The following TLR5 variants were observed in gnomAD, a reference collection of about 807,000 sequenced individuals.
TLR5 encodes toll-like receptor 5.
For synonymous variants in TLR5, 373 were observed against 384.4 expected (o/e 0.97, Z 0.35); for missense variants, 944 against 999.8 (o/e 0.94, Z 0.75).
chr1:223,135,513 G>A lies in TLR5; in HGVS notation c.-352-649C>T, dbSNP rs572970623. Among the ~76,000 whole-genome samples the A allele has an allele frequency of 2.6e-5, 4 of 152,260 alleles. No individual in the cohort carries two copies. The South Asian group carries it at 8.3e-4, about 32-fold the overall frequency. Reference sequence around the variant, plus strand: ...GCTGGGCTGGGAGAGGATAAATATCGGTTCTAGTCCTCCTTCAGCCACAGT... The same window carrying A: ...GCTGGGCTGGGAGAGGATAAATATCAGTTCTAGTCCTCCTTCAGCCACAGT... On this transcript the variant is annotated intron_variant, in intron 3 of 5. Transcript: ENST00000642603.
rs558146291 is a variant in TLR5 at position 223,114,436 on chromosome 1, A to C, written c.-4-1401T>G. Among the ~76,000 whole-genome samples the C allele has an allele frequency of 3.9e-5, 6 of 152,346 alleles. No homozygotes were observed. In the East Asian group the frequency reaches 1.2e-3, roughly 29 times the overall value. Reference sequence around the variant, plus strand: ...GTAAAGGAAGAGTTATATAGCTCAGAGGGCAGGAGAATGAGAGGAAAAATA... The same window carrying C: ...GTAAAGGAAGAGTTATATAGCTCAGCGGGCAGGAGAATGAGAGGAAAAATA... On this transcript the variant is annotated intron_variant, in intron 5 of 5. Transcript: ENST00000642603.
chr1:223,124,591 G>A (rs565596985), intron 5 of TLR5, among the ~76,000 whole-genome samples: 37 of 152,262 alleles, frequency 2.4e-4, no homozygotes, highest in African/African-American at 7.7e-4. Context: ...GTGGACATCC[G>A]AAAGATTGCA....
chr1:223,114,181 C>T (rs563693745), intron 5 of TLR5, among the ~76,000 whole-genome samples: 1 of 152,310 alleles, frequency 6.6e-6, no homozygotes, highest in African/African-American at 2.4e-5. Context: ...TGTCGGGGAG[C>T]TAACCATCTG....
chr1:223,141,844 G>A (rs1657884154), intron 1 of TLR5, 81 bp from the exon 2 acceptor site: 1 of 146,332 alleles, frequency 6.8e-6, no homozygotes, highest in African/African-American at 2.5e-5. Flanking sequence ...GAGAGAGAGA[G>A]AGAGAGAGAG....
At chr1:223,115,094 C>T (rs1235497235) in intron 5 of TLR5, among the ~76,000 whole-genome samples, 1 of 152,174 alleles carries the variant, frequency 6.6e-6, no homozygotes, top group Admixed American at 6.5e-5. Flanking sequence ...TTGTACAGGG[C>T]CCTTCCCTTC....
rs746421170 is a variant in TLR5 at position 223,112,229 on chromosome 1, C to T, written c.803G>A (p.Gly268Glu). 2 of 1,614,016 alleles carry T rather than the reference C, an allele frequency of 1.2e-6. No individual in the cohort carries two copies. The highest frequency in any genetic ancestry group is 1.3e-5 in the African/African-American group (1 of 74,894). ...LILAHHIMGA[G>E]FGFHNIKDPD... is the part of the protein sequence containing the mutation. ...ATCTTTGATGTTATGGAAGCCAAAC[C>T]CGGCACCCATGATGTGGTGGGCAAG... The change falls in exon 6 of 6, where the codon GGG becomes GAG. Residue 268 changes from glycine to glutamate, a missense_variant. Gly to Glu is a moderately conservative substitution (Grantham distance 98, BLOSUM62 -2). Transcript: ENST00000642603.
chr1:223,125,279 G>A (rs1211002709), intron 5 of TLR5, among the ~76,000 whole-genome samples: 2 of 152,136 alleles, frequency 1.3e-5, no homozygotes, highest in Non-Finnish European at 2.9e-5. Flanking sequence ...AAGGATTACA[G>A]TTCAAATTAA....
intron 5 of TLR5, among the ~76,000 whole-genome samples, chr1:223,121,040 G>C (rs1284401419): frequency 6.6e-6 from 1 of 152,198 alleles, no homozygotes; most frequent in East Asian, 1.9e-4. Context: ...CTGTGTTTGT[G>C]CCACTGCACT....
chr1:223,112,621 T>C lies in TLR5; in HGVS notation c.411A>G (p.Lys137=). Residue 137 remains lysine, a synonymous_variant, in exon 6 of 6, where the codon AAA becomes AAG. Coordinates refer to ENST00000642603, the MANE Select transcript of TLR5 (RefSeq NM_003268.6). ...YFCGLSDAVL[K]DGYFRNLKAL... ...CCTTTAAATTTCTGAAATAACCATC[T>C]TTCAATACAGCATCAGAGAGACCAC... The C allele has an allele frequency of 6.2e-7, 1 of 1,614,252 alleles. No individual in the cohort carries two copies. The highest frequency in any genetic ancestry group is 8.5e-7 in the Non-Finnish European group (1 of 1,180,048).
At chr1:223,125,414 G>A (rs1657126545) in intron 5 of TLR5, among the ~76,000 whole-genome samples, 1 of 152,146 alleles carries the variant, frequency 6.6e-6, no homozygotes, top group African/African-American at 2.4e-5. Flanking sequence ...AGAACCTAAC[G>A]AGCTCAGGGA....
intron 5 of TLR5, among the ~76,000 whole-genome samples, chr1:223,130,350 G>A (rs1039763757): frequency 6.6e-6 from 1 of 152,192 alleles, no homozygotes; most frequent in African/African-American, 2.4e-5. Context: ...GTATTGTTTG[G>A]TTCTCTTTGA....
chr1:223,120,769 A>G, intron 5 of TLR5, among the ~76,000 whole-genome samples: 1 of 152,232 alleles, frequency 6.6e-6, no homozygotes, highest in East Asian at 1.9e-4. Flanking sequence ...TCATTTCAAA[A>G]TGTCAAGTGT....
At chr1:223,138,398 C>G (rs1213953101) in intron 2 of TLR5, among the ~76,000 whole-genome samples, 1 of 152,028 alleles carries the variant, frequency 6.6e-6, no homozygotes, top group Non-Finnish European at 1.5e-5. Context: ...TTCTATCATT[C>G]TATTTTCCAA....
rs1412576489 is a variant in TLR5 at position 223,111,419 on chromosome 1, A to G, written c.1613T>C (p.Leu538Pro). The G allele has an allele frequency of 6.2e-7, 1 of 1,614,212 alleles. No individual in the cohort carries two copies. Among genetic ancestry groups the G allele is most frequent in the South Asian group, 1.1e-5 (1 of 91,090 alleles). The change falls in exon 6 of 6, where the codon CTG becomes CCG. Residue 538 changes from leucine (L) to proline (P), a missense_variant. Coordinates refer to ENST00000642603, the MANE Select transcript of TLR5 (RefSeq NM_003268.6). ...LRGLSLNSNR[L>P]TVLSHNDLPA... Reference sequence around the variant, plus strand: ...TAAATCATTGTGAGAAAGAACTGTCAGCCTGTTGGAGTTGAGGCTTAGTCC... The same window carrying G: ...TAAATCATTGTGAGAAAGAACTGTCGGCCTGTTGGAGTTGAGGCTTAGTCC...
intron 5 of TLR5, among the ~76,000 whole-genome samples, chr1:223,119,930 A>G (rs555796490): frequency 2.8e-4 from 40 of 145,216 alleles, no homozygotes; most frequent in African/African-American, 1.0e-3. Context: ...AGCCTTGGCA[A>G]CAGAGTGAGA....
intron 5 of TLR5, among the ~76,000 whole-genome samples, chr1:223,114,521 A>G (rs1656528349): frequency 6.6e-6 from 1 of 152,244 alleles, no homozygotes; most frequent in East Asian, 1.9e-4. Flanking sequence ...ATGAGACACC[A>G]TCACTGGCAA....
At position 223,122,210 on chromosome 1, in the gene TLR5, C is replaced by CA. The variant is rs539492770; in HGVS notation, c.-4-9176dup. Reference sequence around the variant, plus strand: ...GACACCCCACAGTGTTCAATAATATCAAATATGCATCATGATGATAAACCA... The same window carrying CA: ...GACACCCCACAGTGTTCAATAATATCAAAATATGCATCATGATGATAAACCA... On this transcript the variant is annotated intron_variant, in intron 5 of 5. Transcript: ENST00000642603. 3.7e-3 allele frequency among the ~76,000 whole-genome samples: 568 copies of CA among 152,226 alleles called. 2 individuals are homozygous for CA. The highest frequency in any genetic ancestry group is 6.1e-3 in the Non-Finnish European group (414 of 68,010).
intron 2 of TLR5, among the ~76,000 whole-genome samples, chr1:223,140,533 T>G: frequency 1.6e-5 from 2 of 127,046 alleles, no homozygotes; most frequent in Admixed American, 8.6e-5. Flanking sequence ...GGTGACAGAG[T>G]GAGACTCTGT....
chr1:223,137,929 TCC>T (rs1657675442), intron 2 of TLR5, among the ~76,000 whole-genome samples: 1 of 146,152 alleles, frequency 6.8e-6, no homozygotes, highest in Admixed American at 6.9e-5. Flanking sequence ...CTCTTTAACC[TCC>T]TCAGGTCTGG....
Sources: allele counts gnomAD v4.1 joint callset (sites outside exome capture counted in the v4.1 genomes callset), GRCh38; gene constraint gnomAD v4.1.1; transcripts MANE v1.5; gene names NCBI Gene and HGNC (gene_info 2026-07-23, HGNC 2026-07-21).